The following HPGDS variants were observed in gnomAD, a reference collection of about 807,000 sequenced individuals.
The protein encoded by HPGDS is GST class-sigma.
Under a neutral mutation model 23.1 loss-of-function variants are expected in HPGDS, and 26 were observed. The ratio of observed to expected loss-of-function variants is 1.13; its 90% CI spans 0.83 to 1.56. The LOEUF is 1.56. Among genes scored for constraint, HPGDS ranks in the 40% most tolerant of loss-of-function variants. The pLI is 0.00. For missense variants in HPGDS, 268 were observed against 236.4 expected (o/e 1.13, Z -0.88); for synonymous variants, 95 against 77.9 (o/e 1.22, Z -1.16).
chr4:94,339,985 C>G (rs2126047415), intron 1 of HPGDS, among the ~76,000 whole-genome samples: 1 of 152,248 alleles, frequency 6.6e-6, no homozygotes, highest in South Asian at 2.1e-4. Context: ...GAGGTCTCCC[C>G]AGCCATGTGG....
chr4:94,316,058 G>A (rs138082262), intron 3 of HPGDS, among the ~76,000 whole-genome samples: 24 of 151,938 alleles, frequency 1.6e-4, no homozygotes, highest in Admixed American at 3.9e-4. Flanking sequence ...AAATAATTAC[G>A]GGCCTCAACT....
rs557956535 is a variant in HPGDS, at chr4:94,327,055, G to A, written c.133+7442C>T. On this transcript the variant is annotated intron_variant, in intron 2 of 5. Coordinates refer to ENST00000295256, the MANE Select transcript of HPGDS (RefSeq NM_014485.3). Reference sequence around the variant, plus strand: ...CTGTGGTGAGTCTTTGCTGGGGAGGGGGATGCCAAGTGGACTCATCCTCAG... The same window carrying A: ...CTGTGGTGAGTCTTTGCTGGGGAGGAGGATGCCAAGTGGACTCATCCTCAG... Among the ~76,000 whole-genome samples the A allele has an allele frequency of 2.0e-5, 3 of 152,088 alleles. No homozygotes were observed. The East Asian group carries it at 5.8e-4, about 29-fold the overall frequency.
rs1383568708 is a variant in HPGDS at position 94,308,709 on chromosome 4, A to G, written c.261T>C (p.His87=). ...CCAGAGTGTCCACAATAGCATCAAC[A>G]TGACATTGTTCCATTTCTGTGTTTC... ...LAGNTEMEQC[H]VDAIVDTLDD... The change falls in exon 4 of 6, where the codon CAT becomes CAC. Residue 87 remains histidine, a synonymous_variant. Transcript: ENST00000295256. The G allele has an allele frequency of 1.9e-6, 3 of 1,608,034 alleles. No homozygotes were observed. In the South Asian group the frequency reaches 3.3e-5, roughly 18 times the overall value.
Position 94,308,622 on chromosome 4 carries a change from G to T in HPGDS, c.336+12C>A, listed in dbSNP as rs775355536. On this transcript the variant is annotated intron_variant, in intron 4 of 5. Coordinates refer to ENST00000295256, the MANE Select transcript of HPGDS (RefSeq NM_014485.3). The stretch of plus-strand genomic sequence containing the variant: ...ATAATTAATACTAGGAATAGCAAAT[G>T]GATCACATTACTTTCACATCTTGCT... The T allele has an allele frequency of 6.3e-6, 9 of 1,424,280 alleles. No homozygotes were observed. The South Asian group carries it at 8.2e-5, about 13-fold the overall frequency. 88.2% of individuals were successfully genotyped at this position (1,424,280 alleles called of 1,614,324 possible).
intron 1 of HPGDS, among the ~76,000 whole-genome samples, chr4:94,340,444 T>C (rs553207191): frequency 2.1e-5 from 3 of 140,634 alleles, no homozygotes; most frequent in South Asian, 2.5e-4. Context: ...GTTCACGCCA[T>C]TCTCCTGCCT....
At chr4:94,326,191 G>A (rs1407770524) in intron 2 of HPGDS, among the ~76,000 whole-genome samples, 1 of 152,064 alleles carries the variant, frequency 6.6e-6, no homozygotes, top group Non-Finnish European at 1.5e-5. Context: ...AATGTTTAAT[G>A]ACTTTAATGT....
At chr4:94,312,087 A>G (rs1443973054) in intron 3 of HPGDS, among the ~76,000 whole-genome samples, 1 of 152,038 alleles carries the variant, frequency 6.6e-6, no homozygotes, top group Non-Finnish European at 1.5e-5. Context: ...TTCAAAAAAT[A>G]AGCTCCTGGA....
At chr4:94,314,177 G>A (rs977044018) in intron 3 of HPGDS, among the ~76,000 whole-genome samples, 1 of 152,178 alleles carries the variant, frequency 6.6e-6, no homozygotes, top group Non-Finnish European at 1.5e-5. Context: ...TTCCATTGCT[G>A]GTGAGGAGCT....
chr4:94,316,083 A>C (rs1251376068), intron 3 of HPGDS, among the ~76,000 whole-genome samples: 1 of 152,242 alleles, frequency 6.6e-6, no homozygotes, highest in Non-Finnish European at 1.5e-5. Context: ...CTCAGCCCCA[A>C]GTAGTGGCTG....
intron 2 of HPGDS, among the ~76,000 whole-genome samples, chr4:94,328,108 G>A (rs115544929): frequency 0.013 from 1,922 of 152,366 alleles, 43 homozygotes; most frequent in African/African-American, 0.044. Context: ...CGGAGTAAAT[G>A]TGGACCACTG....
intron 3 of HPGDS, among the ~76,000 whole-genome samples, chr4:94,312,390 T>G (rs1021197558): frequency 6.6e-6 from 1 of 152,242 alleles, no homozygotes; most frequent in Non-Finnish European, 1.5e-5. Context: ...CTTCATTTCG[T>G]TATGTACCCA....
At chr4:94,314,984 G>A (rs940108806) in intron 3 of HPGDS, among the ~76,000 whole-genome samples, 15 of 152,152 alleles carry the variant, frequency 9.9e-5, no homozygotes, top group African/African-American at 2.7e-4. Context: ...TAAGACTGTC[G>A]GAAACGCGCA....
chr4:94,322,340 C>G (rs946822660), intron 2 of HPGDS, among the ~76,000 whole-genome samples: 1 of 152,134 alleles, frequency 6.6e-6, no homozygotes, highest in South Asian at 2.1e-4. Context: ...AGGAATGGTA[C>G]CAGCTCCTCC....
intron 3 of HPGDS, among the ~76,000 whole-genome samples, chr4:94,316,754 T>G (rs186273755): frequency 2.4e-4 from 37 of 152,344 alleles, no homozygotes; most frequent in African/African-American, 8.4e-4. Context: ...TCTGGGAAAT[T>G]GTTGAGAATG....
At position 94,300,917 on chromosome 4, in the gene HPGDS, GAC is replaced by G. The variant is rs1287960507; in HGVS notation, c.435+1227_435+1228del. 1.3e-5 allele frequency among the ~76,000 whole-genome samples: 2 copies of G among 152,172 alleles called. 1 individual carries two copies. Among genetic ancestry groups the G allele is most frequent in the Admixed American group, 1.3e-4 (2 of 15,276 alleles). ...GTGGGAATGTGAGTTAGGTCTGAGG[GAC>G]ACACACACCAGTGTGGAGCACTGTG... On this transcript the variant is annotated intron_variant, in intron 5 of 5. Transcript: ENST00000295256.
chr4:94,321,097 C>G (rs1399517511), intron 2 of HPGDS, among the ~76,000 whole-genome samples: 253 of 151,980 alleles, frequency 1.7e-3, no homozygotes, highest in Non-Finnish European at 2.7e-3. Context: ...ATTTCTGAGG[C>G]CTCTGTTCTG....
intron 4 of HPGDS, among the ~76,000 whole-genome samples, chr4:94,307,409 A>C (rs1756159233): frequency 6.6e-6 from 1 of 152,142 alleles, no homozygotes; most frequent in Non-Finnish European, 1.5e-5. Flanking sequence ...TGTGACTCAC[A>C]AGATAGACAT....
At chr4:94,303,460 C>T (rs1389405814) in intron 4 of HPGDS, among the ~76,000 whole-genome samples, 1 of 152,118 alleles carries the variant, frequency 6.6e-6, no homozygotes, top group Non-Finnish European at 1.5e-5. Context: ...ATAAGGGATA[C>T]TCAACATGTA....
At position 94,308,682 on chromosome 4, in the gene HPGDS, A is replaced by G; in HGVS notation, c.288T>C (p.Asp96=). The change falls in exon 4 of 6, where the codon GAT becomes GAC. Residue 96 remains aspartate, a synonymous_variant. Transcript: ENST00000295256. ...CHVDAIVDTL[D]DFMSCFPWAE... The stretch of plus-strand genomic sequence containing the variant: ...CCCAAGGAAAACATGACATGAAATC[A>G]TCCAGAGTGTCCACAATAGCATCAA... 2 of 1,610,354 alleles carry G rather than the reference A, an allele frequency of 1.2e-6. No homozygotes were observed. The highest frequency in any genetic ancestry group is 8.5e-7 in the Non-Finnish European group (1 of 1,177,410).
Sources: allele counts gnomAD v4.1 joint callset (sites outside exome capture counted in the v4.1 genomes callset), GRCh38; gene constraint gnomAD v4.1.1; transcripts MANE v1.5; gene names NCBI Gene and HGNC (gene_info 2026-07-23, HGNC 2026-07-21).